The following AAK1 variants were observed in gnomAD, a reference collection of about 807,000 sequenced individuals.
AAK1 encodes the protein AP2 associated kinase 1.
A neutral mutation model predicts 116.0 loss-of-function variants in AAK1; 37 were observed. The observed-to-expected ratio is 0.32, with a 90% CI of 0.25 to 0.42. The LOEUF is 0.42. Among genes scored for constraint, AAK1 ranks in the 10% least tolerant of loss-of-function variants. AAK1 has a pLI of 1.00. For synonymous variants in AAK1, 458 were observed against 439.9 expected (o/e 1.04, Z -0.51); for missense variants, 919 against 1,170.6 (o/e 0.79, Z 3.14).
At chr2:69,517,489 G>A (rs1676631099) in intron 12 of AAK1, among the ~76,000 whole-genome samples, 1 of 132,156 alleles carries the variant, frequency 7.6e-6, no homozygotes, top group African/African-American at 2.5e-5. Context: ...AAATATTTTT[G>A]GGAAACGCAG....
At chr2:69,547,248 C>T (rs1229132597) in intron 3 of AAK1, among the ~76,000 whole-genome samples, 1 of 152,036 alleles carries the variant, frequency 6.6e-6, no homozygotes, top group African/African-American at 2.4e-5. Flanking sequence ...AGCAATCAAG[C>T]AAAAAGCGAT....
intron 13 of AAK1, 29 bp from the exon 14 acceptor site, chr2:69,509,489 C>A: frequency 6.5e-7 from 1 of 1,529,838 alleles, no homozygotes; most frequent in Non-Finnish European, 8.8e-7. Flanking sequence ...GAAAGTGTTT[C>A]ATTAAATTAA....
At chr2:69,585,705 C>T (rs1672735350) in intron 2 of AAK1, among the ~76,000 whole-genome samples, 1 of 152,146 alleles carries the variant, frequency 6.6e-6, no homozygotes, top group Admixed American at 6.5e-5. Context: ...TATGTTTGGA[C>T]TAGATCAAAA....
At position 69,468,392 on chromosome 2, in the gene AAK1, C is replaced by T. The variant is rs1674557492; in HGVS notation, c.*7477G>A. On this transcript the variant is annotated 3_prime_UTR_variant, in exon 22 of 22. Transcript: ENST00000409085. Reference sequence around the variant, plus strand: ...AGAGCCTTAAAGAAGGACAAGAGGGCCCTAAAACTCCTTGAACCACCTTCC... The same window carrying T: ...AGAGCCTTAAAGAAGGACAAGAGGGTCCTAAAACTCCTTGAACCACCTTCC... The T allele has an allele frequency of 1.0e-6, 1 of 985,162 alleles. No homozygotes were observed. Among genetic ancestry groups the T allele is most frequent in the African/African-American group, 1.7e-5 (1 of 57,196 alleles). The allele number at this position is 985,162 out of a possible 1,614,324, so 61.0% of individuals were successfully genotyped here.
At chr2:69,557,572 A>G (rs1429368992) in intron 2 of AAK1, among the ~76,000 whole-genome samples, 1 of 152,152 alleles carries the variant, frequency 6.6e-6, no homozygotes, top group African/African-American at 2.4e-5. Flanking sequence ...GATTACAAGC[A>G]TGAGCCACTG....
At chr2:69,517,764 T>A (rs1425563840) in intron 12 of AAK1, among the ~76,000 whole-genome samples, 3 of 112,266 alleles carry the variant, frequency 2.7e-5, no homozygotes, top group Admixed American at 8.8e-5. Context: ...TCCGAAAAAT[T>A]AAATGACAAA....
At chr2:69,513,424 A>C (rs909255326) in intron 13 of AAK1, among the ~76,000 whole-genome samples, 19 of 151,636 alleles carry the variant, frequency 1.3e-4, no homozygotes, top group African/African-American at 4.4e-4. Context: ...GGTTCACGCC[A>C]TTCTCCTGCC....
At chr2:69,526,865 C>T (rs1047700755) in intron 9 of AAK1, among the ~76,000 whole-genome samples, 20 of 152,108 alleles carry the variant, frequency 1.3e-4, no homozygotes, top group Non-Finnish European at 2.4e-4. Flanking sequence ...GGCATTGCCT[C>T]GGGAAAGTAG....
At position 69,470,755 on chromosome 2, in the gene AAK1, C is replaced by T; in HGVS notation, c.*5114G>A. Reference sequence around the variant, plus strand: ...ACAGGGGTTTTACTCTCTCAGGTAGCCATGATTCATTAATATGTCCTCAGT... The same window carrying T: ...ACAGGGGTTTTACTCTCTCAGGTAGTCATGATTCATTAATATGTCCTCAGT... On this transcript the variant is annotated 3_prime_UTR_variant, in exon 22 of 22. Coordinates refer to ENST00000409085, the MANE Select transcript of AAK1 (RefSeq NM_014911.5). 1.0e-6 allele frequency: 1 copy of T among 985,724 alleles called. No homozygotes were observed. The allele number at this position is 985,724 out of a possible 1,614,324, so 61.1% of individuals were successfully genotyped here. A position where few individuals can be genotyped will look rare whatever the true frequency, so the allele number is the denominator to read the frequency against.
Position 69,475,714 on chromosome 2 carries a change from C to T in AAK1, c.*155G>A. ...GGCCAAAGTGATTTTCTTTCCTTAT[C>T]ATTTCTACAGGAGAAGGCAAGGGGT... is the stretch of plus-strand genomic sequence containing the variant. On this transcript the variant is annotated 3_prime_UTR_variant, in exon 22 of 22. Transcript: ENST00000409085. 3 of 1,397,524 alleles carry T rather than the reference C, an allele frequency of 2.1e-6. No homozygotes were observed. Among genetic ancestry groups the T allele is most frequent in the Non-Finnish European group, 2.8e-6 (3 of 1,075,690 alleles). The allele number at this position is 1,397,524 out of a possible 1,614,324, so 86.6% of individuals were successfully genotyped here.
intron 11 of AAK1, among the ~76,000 whole-genome samples, chr2:69,520,383 G>A (rs570754354): frequency 2.2e-4 from 31 of 141,530 alleles, no homozygotes; most frequent in Admixed American, 1.1e-3. Context: ...TTTTTGAAGC[G>A]GAGTTTCACT....
In AAK1 at chr2:69,467,327, C is replaced by G; in HGVS notation, c.*8542G>C. 1 of 985,410 alleles carries G rather than the reference C, an allele frequency of 1.0e-6. No homozygotes were observed. The highest frequency in any genetic ancestry group is 1.2e-6 in the Non-Finnish European group (1 of 829,932). The allele number at this position is 985,410 out of a possible 1,614,324, so 61.0% of individuals were successfully genotyped here. On this transcript the variant is annotated 3_prime_UTR_variant, in exon 22 of 22. Coordinates refer to ENST00000409085, the MANE Select transcript of AAK1 (RefSeq NM_014911.5). ...AGAAGCATTAGCAAACTCCAATATA[C>G]TAGTCTATTTCTATCTAGGTAGAGG...
At chr2:69,637,127 G>A (rs116805657) in intron 2 of AAK1, among the ~76,000 whole-genome samples, 2,095 of 152,246 alleles carry the variant, frequency 0.014, 53 homozygotes, top group African/African-American at 0.048. Flanking sequence ...TTATTTTTCT[G>A]CTTTTGTGTC....
chr2:69,473,282 G>C lies in AAK1; in HGVS notation c.*2587C>G. The C allele has an allele frequency of 1.0e-6, 1 of 973,534 alleles. No individual in the cohort carries two copies. 60.3% of individuals were successfully genotyped at this position (973,534 alleles called of 1,614,324 possible). Reference sequence around the variant, plus strand: ...CACCTGTAAAATGAAGAGGATGGTGGACTAGAGGATGGTCTCAAAGGTCCC... The same window carrying C: ...CACCTGTAAAATGAAGAGGATGGTGCACTAGAGGATGGTCTCAAAGGTCCC... On this transcript the variant is annotated 3_prime_UTR_variant, in exon 22 of 22. Coordinates refer to ENST00000409085, the MANE Select transcript of AAK1 (RefSeq NM_014911.5).
In AAK1 at chr2:69,472,373, A is replaced by G. The variant is rs1031864006; in HGVS notation, c.*3496T>C. On this transcript the variant is annotated 3_prime_UTR_variant, in exon 22 of 22. Transcript: ENST00000409085. The stretch of plus-strand genomic sequence containing the variant: ...TGATACTAATTAAATAATATAGCTG[A>G]TTTTCTTATACCTTATTACCTTCCT... The G allele has an allele frequency of 1.3e-4, 29 of 228,162 alleles. No individual in the cohort carries two copies. The highest frequency in any genetic ancestry group is 6.8e-4 in the African/African-American group (29 of 42,856). 14.1% of individuals were successfully genotyped at this position (228,162 alleles called of 1,614,324 possible).
intron 2 of AAK1, among the ~76,000 whole-genome samples, chr2:69,573,694 G>A (rs549708801): frequency 6.6e-6 from 1 of 152,106 alleles, no homozygotes; most frequent in African/African-American, 2.4e-5. Context: ...TATCCACAAA[G>A]TATGTACAAA....
chr2:69,606,934 T>G (rs1385718912), intron 2 of AAK1, among the ~76,000 whole-genome samples: 10 of 150,498 alleles, frequency 6.6e-5, no homozygotes, highest in Non-Finnish European at 1.3e-4. Flanking sequence ...GGCGTGGTGG[T>G]GCATGCCTGT....
intron 2 of AAK1, among the ~76,000 whole-genome samples, chr2:69,593,711 T>C (rs1404716788): frequency 6.6e-6 from 1 of 152,222 alleles, no homozygotes; most frequent in African/African-American, 2.4e-5. Context: ...AAGCTACTAT[T>C]TACATCTCAG....
chr2:69,485,447 G>C (rs1374778633), intron 17 of AAK1, among the ~76,000 whole-genome samples: 1 of 152,088 alleles, frequency 6.6e-6, no homozygotes, highest in African/African-American at 2.4e-5. Flanking sequence ...ACTATCTCCT[G>C]TAAGCCTTTC....
Sources: gnomAD v4.1 joint callset for allele counts (sites outside exome capture counted in the v4.1 genomes callset) on GRCh38, gnomAD v4.1.1 for gene constraint, MANE v1.5 for transcripts, NCBI Gene and HGNC (gene_info 2026-07-23, HGNC 2026-07-21) for gene names.